The following BRI3BP variants were observed in gnomAD, a reference collection of about 807,000 sequenced individuals.
BRI3BP encodes BRI3 binding protein.
In BRI3BP, 7 loss-of-function variants were observed where a neutral mutation model predicts 15.8. That is an observed-to-expected ratio of 0.44 (90% CI 0.25 to 0.83). The LOEUF (loss-of-function observed/expected upper bound fraction) is 0.83, where lower values mean the gene tolerates loss of function less well. Among genes scored for constraint, BRI3BP ranks in the 40% least tolerant of loss-of-function variants. The pLI is 0.20. For missense variants in BRI3BP, 320 were observed against 339.3 expected (o/e 0.94, Z 0.45); for synonymous variants, 192 against 163.5 (o/e 1.17, Z -1.33).
chr12:124,994,193 G>A (rs1434036531), intron 1 of BRI3BP, among the ~76,000 whole-genome samples, 190 bp downstream of exon 1: 2 of 151,824 alleles, frequency 1.3e-5, no homozygotes, highest in African/African-American at 4.8e-5. Context: ...GCGGGTCTGG[G>A]CGGCCGGGCC....
At chr12:125,009,463 T>C (rs1253683668) in intron 1 of BRI3BP, among the ~76,000 whole-genome samples, 1 of 151,934 alleles carries the variant, frequency 6.6e-6, no homozygotes, top group Non-Finnish European at 1.5e-5. Flanking sequence ...CTAATTTTTG[T>C]GTTTTCAGTA....
intron 2 of BRI3BP, among the ~76,000 whole-genome samples, chr12:125,015,544 T>TG (rs1955235171): frequency 6.6e-6 from 1 of 152,036 alleles, no homozygotes; most frequent in Non-Finnish European, 1.5e-5. Flanking sequence ...AGTGGTTTGT[T>TG]GCGGCAGTCA....
chr12:125,008,299 C>CTTT (rs55697100), intron 1 of BRI3BP, among the ~76,000 whole-genome samples: 133 of 99,926 alleles, frequency 1.3e-3, no homozygotes, highest in African/African-American at 3.2e-3. Context: ...CCTCTTCTTT[C>CTTT]TTTTTTTTTT....
chr12:125,009,661 T>C (rs1955180395), intron 1 of BRI3BP, among the ~76,000 whole-genome samples: 1 of 151,926 alleles, frequency 6.6e-6, no homozygotes, highest in Non-Finnish European at 1.5e-5. Flanking sequence ...GGTCTCGAAC[T>C]CCTGGGCTAA....
rs1955014328 is a variant in BRI3BP at position 124,993,693 on chromosome 12, G to C, written c.-98G>C. ...GGCTGTGGGTAAAGGCGCGGCGCGC[G>C]GCCCCCGAGCGCGCCAACCTTGCCC... On this transcript the variant is annotated 5_prime_UTR_variant, in exon 1 of 3. Coordinates refer to ENST00000341446, the MANE Select transcript of BRI3BP (RefSeq NM_080626.6). 1.5e-6 allele frequency: 1 copy of C among 647,082 alleles called. No homozygotes were observed. Among genetic ancestry groups the C allele is most frequent in the Non-Finnish European group, 1.9e-6 (1 of 522,880 alleles). The allele number at this position is 647,082 out of a possible 1,614,324, so 40.1% of individuals were successfully genotyped here.
intron 1 of BRI3BP, among the ~76,000 whole-genome samples, chr12:125,004,585 A>G (rs2135989556): frequency 6.6e-6 from 1 of 152,316 alleles, no homozygotes; most frequent in East Asian, 1.9e-4. Context: ...GAGTCGCCAT[A>G]TACCCCTCAC....
chr12:124,996,960 C>T lies in BRI3BP; in HGVS notation c.213+2957C>T, dbSNP rs377100512. Among the ~76,000 whole-genome samples, 80 of 151,544 alleles carry T rather than the reference C, an allele frequency of 5.3e-4. 2 individuals are homozygous for T. The highest frequency in any genetic ancestry group is 1.8e-3 in the African/African-American group (74 of 41,314). ...ATTTTTAGTAGAGATGGGGTTTCAC[C>T]ATGTTGGCCAGGCTGGTTTCGAACT... is the stretch of plus-strand genomic sequence containing the variant. On this transcript the variant is annotated intron_variant, in intron 1 of 2. Coordinates refer to ENST00000341446, the MANE Select transcript of BRI3BP (RefSeq NM_080626.6).
the BRI3BP span, among the ~76,000 whole-genome samples, chr12:125,044,267 C>T: frequency 6.6e-6 from 1 of 152,014 alleles, no homozygotes; most frequent in Non-Finnish European, 1.5e-5. Flanking sequence ...ATTCTCCTGC[C>T]TCAGCCTCCT....
rs866460436 is a variant in BRI3BP at position 125,012,737 on chromosome 12, G to A, written c.316+101G>A. Reference sequence around the variant, plus strand: ...AGTGAGTAATACATGAGAAGGTTGCGGAGGGCTGGTCAGTGAGGATATGAG... The same window carrying A: ...AGTGAGTAATACATGAGAAGGTTGCAGAGGGCTGGTCAGTGAGGATATGAG... On this transcript the variant is annotated intron_variant, in intron 2 of 2. Transcript: ENST00000341446. 23 of 924,584 alleles carry A rather than the reference G, an allele frequency of 2.5e-5. 1 individual carries two copies. Among genetic ancestry groups the A allele is most frequent in the Admixed American group, 3.5e-5 (2 of 57,002 alleles). 57.3% of individuals were successfully genotyped at this position (924,584 alleles called of 1,614,324 possible).
At chr12:125,014,463 C>T (rs185967896) in intron 2 of BRI3BP, among the ~76,000 whole-genome samples, 28 of 152,312 alleles carry the variant, frequency 1.8e-4, no homozygotes, top group African/African-American at 6.7e-4. Context: ...ACGCAAACAC[C>T]ATCAGCAAAG....
At chr12:125,003,419 C>G (rs1226496919) in intron 1 of BRI3BP, among the ~76,000 whole-genome samples, 1 of 152,138 alleles carries the variant, frequency 6.6e-6, no homozygotes, top group South Asian at 2.1e-4. Flanking sequence ...ACCTGGTCCC[C>G]TTATTTCAAC....
the BRI3BP span, among the ~76,000 whole-genome samples, chr12:125,047,899 G>T: frequency 6.6e-6 from 1 of 151,030 alleles, no homozygotes; most frequent in African/African-American, 2.4e-5. Context: ...GTTTCACCAT[G>T]TTGGCCAGGC....
chr12:125,007,792 G>A (rs934115082), intron 1 of BRI3BP, among the ~76,000 whole-genome samples: 5 of 151,646 alleles, frequency 3.3e-5, no homozygotes, highest in African/African-American at 9.7e-5. Context: ...GCTATTTCTC[G>A]ATGTTGCTGG....
At chr12:125,048,613 A>G in the BRI3BP span, among the ~76,000 whole-genome samples, 1 of 151,988 alleles carries the variant, frequency 6.6e-6, no homozygotes, top group Admixed American at 6.6e-5. Context: ...TGATGAGTTA[A>G]TGGGTGCAGC....
At chr12:125,034,055 T>G (rs1292063592), downstream of BRI3BP, among the ~76,000 whole-genome samples, 1 of 142,744 alleles carries the variant, frequency 7.0e-6, no homozygotes, top group African/African-American at 2.6e-5. Flanking sequence ...TTTTGTTTTG[T>G]TTTGGTTTGA....
At chr12:125,013,362 A>C (rs1028608550) in intron 2 of BRI3BP, among the ~76,000 whole-genome samples, 10 of 152,232 alleles carry the variant, frequency 6.6e-5, no homozygotes, top group Admixed American at 2.0e-4. Context: ...CCAGGGTTGC[A>C]GCTGTTGAAA....
intron 1 of BRI3BP, among the ~76,000 whole-genome samples, chr12:124,994,707 G>C (rs1030716709): frequency 6.6e-6 from 1 of 152,182 alleles, no homozygotes; most frequent in Non-Finnish European, 1.5e-5. Flanking sequence ...TGCGATAGGG[G>C]TGCCATTCCG....
chr12:125,031,525 C>T (rs924809799), downstream of BRI3BP, among the ~76,000 whole-genome samples: 3 of 151,848 alleles, frequency 2.0e-5, no homozygotes, highest in Non-Finnish European at 2.9e-5. Context: ...TCCACCCCAC[C>T]CCGCATACCC....
chr12:125,024,597 C>T (rs1215313611), intron 2 of BRI3BP, among the ~76,000 whole-genome samples: 2 of 152,016 alleles, frequency 1.3e-5, no homozygotes, highest in East Asian at 1.9e-4. Flanking sequence ...GTCAGGAGTT[C>T]GAGACCAGCC....
Sources: allele counts gnomAD v4.1 joint callset (sites outside exome capture counted in the v4.1 genomes callset), GRCh38; gene constraint gnomAD v4.1.1; transcripts MANE v1.5; gene names NCBI Gene and HGNC (gene_info 2026-07-23, HGNC 2026-07-21).